Variants in TBX20 observed in about 807,000 individuals in gnomAD.
TBX20 encodes T-box transcription factor 20.
In TBX20, 8 loss-of-function variants were observed where a neutral mutation model predicts 42.9. That is an observed-to-expected ratio of 0.19 (90% CI 0.11 to 0.34). The LOEUF (loss-of-function observed/expected upper bound fraction) is 0.34. Among genes scored for constraint, TBX20 ranks in the 10% least tolerant of loss-of-function variants. TBX20 has a pLI of 1.00. For missense variants in TBX20, 411 were observed against 566.0 expected (o/e 0.73, Z 2.78); for synonymous variants, 198 against 222.8 (o/e 0.89, Z 0.99).
At position 35,248,760 on chromosome 7, in the gene TBX20, A is replaced by C; in HGVS notation, c.462T>G (p.Pro154=). 1 of 1,614,200 alleles carries C rather than the reference A, an allele frequency of 6.2e-7. No homozygotes were observed. Among genetic ancestry groups the C allele is most frequent in the African/African-American group, 1.3e-5 (1 of 75,050 alleles). ...CGTAGCGGTACCTCTTGTTGTCCAC[A>C]GGGACGATGTCCATCAGGACTATGT... ...AKYIVLMDIV[P]VDNKRYRYAY... The change falls in exon 3 of 8, where the codon CCT becomes CCG. Residue 154 remains proline (P), a synonymous_variant. Coordinates refer to ENST00000408931, the MANE Select transcript of TBX20 (RefSeq NM_001077653.2).
chr7:35,214,855 A>G (rs1400891718), intron 6 of TBX20, among the ~76,000 whole-genome samples: 1 of 152,198 alleles, frequency 6.6e-6, no homozygotes, highest in Non-Finnish European at 1.5e-5. Context: ...TTGTTTCAAT[A>G]TCTTGGAAGA....
chr7:35,253,978 G>T lies in TBX20; in HGVS notation c.-358C>A. ...CCTGGGGTCCTGGAGCATCCCCTCC[G>T]CGTCCTTCCTCCCTCTGGGGCTGGG... On this transcript the variant is annotated 5_prime_UTR_variant, in exon 1 of 8. Transcript: ENST00000408931. The T allele has an allele frequency of 5.1e-6, 1 of 196,148 alleles. No homozygotes were observed. Among genetic ancestry groups the T allele is most frequent in the Admixed American group, 5.6e-5 (1 of 17,902 alleles). 12.2% of individuals were successfully genotyped at this position (196,148 alleles called of 1,614,324 possible). A position where few individuals can be genotyped will look rare whatever the true frequency, so the allele number is the denominator to read the frequency against.
chr7:35,228,098 A>C (rs1406882946), intron 6 of TBX20, among the ~76,000 whole-genome samples: 2 of 118,852 alleles, frequency 1.7e-5, no homozygotes, highest in Non-Finnish European at 2.1e-5. Context: ...ACTATGATAA[A>C]AAAAAAAACA....
chr7:35,209,650 C>T (rs765301208), intron 6 of TBX20, among the ~76,000 whole-genome samples: 10 of 152,068 alleles, frequency 6.6e-5, no homozygotes, highest in Non-Finnish European at 1.2e-4. Flanking sequence ...CTGTTTTCTA[C>T]TCCATCAATT....
At chr7:35,229,348 T>C (rs1584349699) in intron 6 of TBX20, among the ~76,000 whole-genome samples, 1 of 152,182 alleles carries the variant, frequency 6.6e-6, no homozygotes. Flanking sequence ...TCCAGACTAA[T>C]TTAATTTCTT....
At chr7:35,248,645 G>A (rs780070170) in intron 3 of TBX20, 32 bp downstream of exon 3, 3 of 1,612,324 alleles carry the variant, frequency 1.9e-6, no homozygotes, top group Admixed American at 1.7e-5. Context: ...TGCACTAACA[G>A]TTTTCTCAGT....
intron 6 of TBX20, 40 bp from the exon 7 acceptor site, chr7:35,204,622 A>G: frequency 2.7e-6 from 4 of 1,497,010 alleles, no homozygotes; most frequent in Non-Finnish European, 3.7e-6. Flanking sequence ...GTAAAATGTA[A>G]AGGACTCAGA....
At chr7:35,218,442 A>G (rs1789626270) in intron 6 of TBX20, among the ~76,000 whole-genome samples, 1 of 152,146 alleles carries the variant, frequency 6.6e-6, no homozygotes, top group African/African-American at 2.4e-5. Flanking sequence ...TATAATGACA[A>G]AGATAAACTA....
intron 6 of TBX20, among the ~76,000 whole-genome samples, chr7:35,224,274 CAA>C (rs1488736430): frequency 1.3e-5 from 2 of 152,180 alleles, no homozygotes; most frequent in Non-Finnish European, 2.9e-5. Context: ...CAGCAACTGA[CAA>C]GAGAAGGTAC....
chr7:35,241,283 G>A (rs994288766), intron 4 of TBX20, among the ~76,000 whole-genome samples: 7 of 152,154 alleles, frequency 4.6e-5, no homozygotes, highest in African/African-American at 1.7e-4. Context: ...TTTCTAAAAT[G>A]GTAAGGGGAG....
At chr7:35,220,623 C>T (rs959899673) in intron 6 of TBX20, among the ~76,000 whole-genome samples, 2 of 152,198 alleles carry the variant, frequency 1.3e-5, no homozygotes, top group African/African-American at 4.8e-5. Context: ...GAAGATCTAA[C>T]AAACAGCTTC....
chr7:35,219,097 T>C (rs1789638462), intron 6 of TBX20, among the ~76,000 whole-genome samples: 1 of 152,170 alleles, frequency 6.6e-6, no homozygotes, highest in South Asian at 2.1e-4. Context: ...AGCACCACTG[T>C]ATTCCTGGAT....
rs150384907 is a variant in TBX20 at position 35,245,027 on chromosome 7, G to A, written c.576C>T (p.Thr192=). 21 of 1,613,362 alleles carry A rather than the reference G, an allele frequency of 1.3e-5. No individual in the cohort carries two copies. Among genetic ancestry groups the A allele is most frequent in the South Asian group, 4.4e-5 (4 of 91,010 alleles). Residue 192 remains threonine, a synonymous_variant, in exon 4 of 8, where the codon ACC becomes ACT. Transcript: ENST00000408931. ...RLYVHPDSPF[T]GEQLLKQMVS... ...CCATCTGTTTGAGTAGTTGCTCACC[G>A]GTAAAAGGAGAATCTGGATGCACAT...
At chr7:35,237,028 C>T (rs1238590600) in intron 5 of TBX20, among the ~76,000 whole-genome samples, 1 of 131,088 alleles carries the variant, frequency 7.6e-6, no homozygotes, top group African/African-American at 2.7e-5. Context: ...TTTTTGATGA[C>T]ACTGTCAGTG....
intron 6 of TBX20, among the ~76,000 whole-genome samples, chr7:35,225,210 C>A (rs1336653194): frequency 6.6e-6 from 1 of 152,088 alleles, no homozygotes; most frequent in Non-Finnish European, 1.5e-5. Flanking sequence ...ATTTAAAATT[C>A]TCTTTACAAA....
At position 35,228,777 on chromosome 7, in the gene TBX20, A is replaced by G. The variant is rs561636138; in HGVS notation, c.890+2727T>C. Among the ~76,000 whole-genome samples the G allele has an allele frequency of 6.6e-5, 10 of 152,216 alleles. No homozygotes were observed. The East Asian group carries it at 1.7e-3, about 26-fold the overall frequency. ...GAGAAACTAGACATTAGATTATACAAAGATATCCCTTTGGGCTTTTGGTTT... is the reference window on the plus strand; with the variant it reads ...GAGAAACTAGACATTAGATTATACAGAGATATCCCTTTGGGCTTTTGGTTT... On this transcript the variant is annotated intron_variant, in intron 6 of 7. Transcript: ENST00000408931.
chr7:35,245,614 G>A (rs543841191), intron 3 of TBX20, among the ~76,000 whole-genome samples: 3 of 152,264 alleles, frequency 2.0e-5, no homozygotes, highest in African/African-American at 7.2e-5. Flanking sequence ...AGAACTCCCA[G>A]TAGTCCACCG....
chr7:35,229,955 G>A (rs1156644186), intron 6 of TBX20, among the ~76,000 whole-genome samples: 1 of 152,070 alleles, frequency 6.6e-6, no homozygotes, highest in East Asian at 1.9e-4. Flanking sequence ...CACTCACCCA[G>A]GAAAAGGCAG....
chr7:35,252,478 A>T (rs563823560), intron 1 of TBX20, among the ~76,000 whole-genome samples: 2 of 152,088 alleles, frequency 1.3e-5, no homozygotes, highest in Admixed American at 6.5e-5. Flanking sequence ...CTCATCTTTA[A>T]GCCCAAACAC....
Sources: allele counts gnomAD v4.1 joint callset (sites outside exome capture counted in the v4.1 genomes callset), GRCh38; gene constraint gnomAD v4.1.1; transcripts MANE v1.5; gene names NCBI Gene and HGNC (gene_info 2026-07-23, HGNC 2026-07-21).